The following THNSL1 variants were observed in gnomAD, a reference collection of about 807,000 sequenced individuals.
The protein encoded by THNSL1 is threonine synthase-like 1.
In THNSL1, 48 loss-of-function variants were observed where a neutral mutation model predicts 50.4. The observed-to-expected ratio is 0.95, with a 90% CI of 0.76 to 1.21. The LOEUF is 1.21. THNSL1 is among the 50% of genes most tolerant of loss of function. THNSL1 has a pLI of 0.00. For missense variants in THNSL1, 896 were observed against 871.7 expected (o/e 1.03, Z -0.35); for synonymous variants, 309 against 306.1 (o/e 1.01, Z -0.10).
At chr10:25,021,492 G>GT (rs1011167963) in intron 1 of THNSL1, among the ~76,000 whole-genome samples, 20 of 151,974 alleles carry the variant, frequency 1.3e-4, no homozygotes, top group African/African-American at 4.6e-4. Context: ...TTATTATTTG[G>GT]TTTTTTATTG....
the THNSL1 span, among the ~76,000 whole-genome samples, chr10:24,964,843 G>T: frequency 4.1e-4 from 63 of 152,214 alleles, no homozygotes; most frequent in Admixed American, 6.5e-4. Context: ...TGGGCAGATG[G>T]TTTGAGCCTA....
chr10:24,994,436 C>T, the THNSL1 span, among the ~76,000 whole-genome samples: 3 of 151,436 alleles, frequency 2.0e-5, no homozygotes, highest in Admixed American at 1.3e-4. Context: ...TGGGATCAAG[C>T]GATTCTCGTG....
At chr10:24,984,280 G>A in the THNSL1 span, 2 of 1,387,904 alleles carry the variant, frequency 1.4e-6, no homozygotes, top group Non-Finnish European at 2.0e-6. Context: ...CAGAAACAAT[G>A]TGTTGGAGAC....
the THNSL1 span, among the ~76,000 whole-genome samples, chr10:24,998,756 C>A: frequency 6.6e-6 from 1 of 151,986 alleles, no homozygotes; most frequent in African/African-American, 2.4e-5. Context: ...TAACTGGGAT[C>A]AAGTATATAA....
the THNSL1 span, chr10:24,981,852 T>C: frequency 9.8e-5 from 15 of 152,326 alleles, no homozygotes; most frequent in South Asian, 3.1e-3. Flanking sequence ...CACGTGAAAT[T>C]GCCTCCTTCT....
At chr10:24,970,855 C>A in the THNSL1 span, among the ~76,000 whole-genome samples, 1 of 152,118 alleles carries the variant, frequency 6.6e-6, no homozygotes, top group Non-Finnish European at 1.5e-5. Context: ...GAAACCCCAT[C>A]TCTACTAGAA....
At chr10:25,013,076 C>G (rs993028936), upstream of THNSL1, among the ~76,000 whole-genome samples, 1 of 152,182 alleles carries the variant, frequency 6.6e-6, no homozygotes, top group African/African-American at 2.4e-5. Context: ...TTCCCCTGCA[C>G]ACACTCTCTT....
chr10:25,007,033 T>C, the THNSL1 span, among the ~76,000 whole-genome samples: 4 of 152,236 alleles, frequency 2.6e-5, no homozygotes, highest in African/African-American at 9.6e-5. Context: ...TCCATCCTGA[T>C]AAAACGTTTA....
the THNSL1 span, among the ~76,000 whole-genome samples, chr10:24,987,588 A>G: frequency 6.6e-6 from 1 of 152,154 alleles, no homozygotes; most frequent in Non-Finnish European, 1.5e-5. Flanking sequence ...GACTGTCTCA[A>G]ATAAATACAT....
chr10:25,017,566 G>A (rs4747509), intron 1 of THNSL1, among the ~76,000 whole-genome samples: 43,715 of 151,236 alleles, frequency 0.29, 6,628 homozygotes, highest in East Asian at 0.5. Context: ...GAATGTGTAG[G>A]TCCTTACTTT....
the THNSL1 span, among the ~76,000 whole-genome samples, chr10:25,006,390 G>T: frequency 2.0e-5 from 3 of 152,120 alleles, no homozygotes; most frequent in Non-Finnish European, 4.4e-5. Flanking sequence ...GAGAACATTT[G>T]TGCTCCTCTG....
Position 25,025,595 on chromosome 10 carries a change from G to T in THNSL1, c.*140G>T, listed in dbSNP as rs539814595. Reference sequence around the variant, plus strand: ...TGGAATTTCAAAAGTCTGATCTCTAGGGCTGACATGAGAACTCCATGTCAC... The same window carrying T: ...TGGAATTTCAAAAGTCTGATCTCTATGGCTGACATGAGAACTCCATGTCAC... On this transcript the variant is annotated 3_prime_UTR_variant, in exon 3 of 3. Coordinates refer to ENST00000376356, the MANE Select transcript of THNSL1 (RefSeq NM_024838.5). 11 of 819,228 alleles carry T rather than the reference G, an allele frequency of 1.3e-5. No individual in the cohort carries two copies. Among genetic ancestry groups the T allele is most frequent in the Non-Finnish European group, 2.1e-5 (11 of 527,364 alleles). 50.7% of individuals were successfully genotyped at this position (819,228 alleles called of 1,614,324 possible). A position where few individuals can be genotyped will look rare whatever the true frequency, so the allele number is the denominator to read the frequency against.
At chr10:24,978,434 C>CCT in the THNSL1 span, among the ~76,000 whole-genome samples, 54 of 147,692 alleles carry the variant, frequency 3.7e-4, no homozygotes, top group South Asian at 8.7e-4. Flanking sequence ...TCTCTCCTGT[C>CCT]CTCTCTCTCT....
intron 1 of THNSL1, among the ~76,000 whole-genome samples, chr10:25,018,336 C>A (rs1850649906): frequency 6.6e-6 from 1 of 152,114 alleles, no homozygotes; most frequent in East Asian, 1.9e-4. Flanking sequence ...CTGTGTCCAC[C>A]GCATGTCCAC....
At chr10:25,015,801 A>C, upstream of THNSL1, 9 of 1,473,074 alleles carry the variant, frequency 6.1e-6, 1 homozygote, top group Non-Finnish European at 8.2e-6. Context: ...TGTATGCTTA[A>C]TTAATACTGA....
At position 25,023,966 on chromosome 10, in the gene THNSL1, C is replaced by A. The variant is rs34929144; in HGVS notation, c.743C>A (p.Ala248Glu). Residue 248 changes from alanine to glutamate, a missense_variant, in exon 3 of 3, where the codon GCA (alanine) becomes GAA (glutamate). By Grantham distance (107) the Ala-to-Glu change is moderately radical. Coordinates refer to ENST00000376356, the MANE Select transcript of THNSL1 (RefSeq NM_024838.5). ...WPEDCEQKVS[A>E]KFFSEAVIEG... is the part of the protein sequence containing the mutation. ...GAAGACTGTGAACAGAAGGTTTCAGCAAAATTCTTTAGTGAAGCTGTAATT... is the reference window on the plus strand; with the variant it reads ...GAAGACTGTGAACAGAAGGTTTCAGAAAAATTCTTTAGTGAAGCTGTAATT... The A allele has an allele frequency of 0.041, 65,893 of 1,614,106 alleles. 1,599 individuals are homozygous for A. The highest frequency in any genetic ancestry group is 0.075 in the South Asian group (6,845 of 91,084).
the THNSL1 span, chr10:24,990,466 C>T: frequency 6.2e-7 from 1 of 1,611,238 alleles, no homozygotes; most frequent in East Asian, 2.2e-5. Context: ...CACACACCTG[C>T]AAAACTGCCT....
chr10:24,975,580 G>A, the THNSL1 span, among the ~76,000 whole-genome samples: 4 of 152,258 alleles, frequency 2.6e-5, no homozygotes, highest in Non-Finnish European at 4.4e-5. Flanking sequence ...CTGTTCTCAT[G>A]ATAGTGAGTT....
chr10:24,968,338 G>A, the THNSL1 span, among the ~76,000 whole-genome samples: 2 of 152,096 alleles, frequency 1.3e-5, no homozygotes, highest in Admixed American at 6.5e-5. Context: ...GCTCCTGCCC[G>A]TGAAGCCTAA....
Sources: allele counts gnomAD v4.1 joint callset (sites outside exome capture counted in the v4.1 genomes callset), GRCh38; gene constraint gnomAD v4.1.1; transcripts MANE v1.5; gene names NCBI Gene and HGNC (gene_info 2026-07-23, HGNC 2026-07-21).